STAG1: variants seen among roughly 807,000 people sequenced by gnomAD.
The protein encoded by STAG1 is cohesin subunit SA-1.
STAG1 carries 26 observed loss-of-function variants against 170.9 expected under a neutral mutation model. The observed-to-expected ratio is 0.15, with a 90% CI of 0.11 to 0.21. STAG1 has a LOEUF of 0.21. Ranked by LOEUF, STAG1 falls within the 10% of genes least tolerant of loss-of-function variation. STAG1 has a pLI of 1.00. For missense variants in STAG1, 964 were observed against 1,509.5 expected (o/e 0.64, Z 5.99); for synonymous variants, 514 against 497.7 (o/e 1.03, Z -0.44).
At chr3:136,375,238 A>C (rs1397516188) in intron 23 of STAG1, among the ~76,000 whole-genome samples, 1 of 152,238 alleles carries the variant, frequency 6.6e-6, no homozygotes, top group Non-Finnish European at 1.5e-5. Flanking sequence ...AAACAAATTT[A>C]ATTATATAGA....
At chr3:136,542,488 T>C (rs995796826) in intron 5 of STAG1, among the ~76,000 whole-genome samples, 8 of 152,008 alleles carry the variant, frequency 5.3e-5, no homozygotes, top group East Asian at 1.9e-4. Flanking sequence ...TACGTTAAAT[T>C]GCTGATAAAA....
At chr3:136,399,865 T>G (rs2087268065) in intron 21 of STAG1, among the ~76,000 whole-genome samples, 1 of 152,212 alleles carries the variant, frequency 6.6e-6, no homozygotes. Context: ...ATAAAATACT[T>G]ATTAATTCAC....
intron 6 of STAG1, among the ~76,000 whole-genome samples, chr3:136,533,049 G>A (rs1351599734): frequency 2.0e-5 from 3 of 152,246 alleles, no homozygotes; most frequent in Non-Finnish European, 4.4e-5. Flanking sequence ...TCTTAGAGCT[G>A]ATAGCAAATT....
At chr3:136,733,011 A>C (rs1934128651) in intron 1 of STAG1, among the ~76,000 whole-genome samples, 1 of 152,064 alleles carries the variant, frequency 6.6e-6, no homozygotes, top group South Asian at 2.1e-4. Context: ...TACTTAGATT[A>C]CGATATGTCT....
At chr3:136,652,427 A>G (rs1941249314) in intron 1 of STAG1, among the ~76,000 whole-genome samples, 1 of 152,258 alleles carries the variant, frequency 6.6e-6, no homozygotes, top group Admixed American at 6.5e-5. Context: ...ACTAAGACTG[A>G]CATCCTCCTA....
intron 5 of STAG1, among the ~76,000 whole-genome samples, chr3:136,554,283 A>G (rs1936521830): frequency 1.3e-5 from 2 of 152,192 alleles, no homozygotes; most frequent in South Asian, 4.1e-4. Context: ...AAATCAAGGA[A>G]AAATACATAA....
chr3:136,642,078 T>C (rs760236459), intron 1 of STAG1, among the ~76,000 whole-genome samples: 7 of 152,096 alleles, frequency 4.6e-5, no homozygotes, highest in Non-Finnish European at 8.8e-5. Context: ...GTAATACACT[T>C]ACAAAAGCTT....
chr3:136,602,395 AAGAG>A (rs1044425675), intron 4 of STAG1, among the ~76,000 whole-genome samples: 18 of 151,456 alleles, frequency 1.2e-4, no homozygotes, highest in Admixed American at 2.6e-4. Flanking sequence ...AAAAAAAAAA[AAGAG>A]AGAGAGAGAA....
At chr3:136,725,492 T>G (rs1167243424) in intron 1 of STAG1, among the ~76,000 whole-genome samples, 1 of 152,226 alleles carries the variant, frequency 6.6e-6, no homozygotes, top group Non-Finnish European at 1.5e-5. Flanking sequence ...AAATCTGTAT[T>G]AGCAAGTTAA....
At chr3:136,633,212 G>A (rs1471305015) in intron 1 of STAG1, among the ~76,000 whole-genome samples, 36 of 104,246 alleles carry the variant, frequency 3.5e-4, no homozygotes, top group African/African-American at 9.4e-4. Flanking sequence ...CCCCCACCCC[G>A]GCCCCAAAAT....
In STAG1 at chr3:136,346,471, A is replaced by C. The variant is rs76269158; in HGVS notation, c.3272-2465T>G. ...ATCTTAGTCATTTTGTAAATCTCAA[A>C]TTGACAAAAAAGTTTTCTTTTTTTA... On this transcript the variant is annotated intron_variant, in intron 29 of 33. Coordinates refer to ENST00000383202, the MANE Select transcript of STAG1 (RefSeq NM_005862.3). Among the ~76,000 whole-genome samples the C allele has an allele frequency of 2.6e-5, 4 of 152,338 alleles. No individual in the cohort carries two copies. The East Asian group carries it at 7.7e-4, about 29-fold the overall frequency.
At chr3:136,582,135 T>C (rs879182035) in intron 4 of STAG1, among the ~76,000 whole-genome samples, 2 of 145,880 alleles carry the variant, frequency 1.4e-5, no homozygotes, top group Admixed American at 7.4e-5. Context: ...GCTAAGTGGA[T>C]ACAAAAAGTG....
chr3:136,488,383 A>G (rs2090058256), intron 9 of STAG1, among the ~76,000 whole-genome samples: 1 of 152,206 alleles, frequency 6.6e-6, no homozygotes, highest in Non-Finnish European at 1.5e-5. Flanking sequence ...TTGGCCTCCC[A>G]AAGGGCTGGG....
intron 1 of STAG1, among the ~76,000 whole-genome samples, chr3:136,665,029 T>C (rs1941708161): frequency 6.6e-6 from 1 of 152,238 alleles, no homozygotes; most frequent in Non-Finnish European, 1.5e-5. Context: ...TTTTTGAAAT[T>C]GCTTGGGACT....
intron 21 of STAG1, among the ~76,000 whole-genome samples, chr3:136,416,544 TGGAGAAAAG>T (rs975667134): frequency 1.3e-5 from 2 of 152,192 alleles, no homozygotes; most frequent in African/African-American, 4.8e-5. Context: ...CTGGAGAAAA[TGGAGAAAAG>T]GATAAAAAGA....
In STAG1 at chr3:136,541,538, TCACACACACA is replaced by T. The variant is rs59155124; in HGVS notation, c.471+571_471+580del. Among the ~76,000 whole-genome samples, 109 of 123,214 alleles carry T rather than the reference TCACACACACA, an allele frequency of 8.8e-4. 1 individual carries two copies. Among genetic ancestry groups the T allele is most frequent in the African/African-American group, 2.2e-3 (72 of 32,802 alleles). 80.8% of individuals were successfully genotyped at this position (123,214 alleles called of 152,430 possible). A position where few individuals can be genotyped will look rare whatever the true frequency, so the allele number is the denominator to read the frequency against. On this transcript the variant is annotated intron_variant, in intron 6 of 33. Transcript: ENST00000383202. ...AGTATCCCAAATAGAAGCTTAACAT[TCACACACACA>T]CACACACACACACACACACACACAC... is the stretch of plus-strand genomic sequence containing the variant.
At chr3:136,724,784 A>C (rs1390055168) in intron 1 of STAG1, among the ~76,000 whole-genome samples, 3 of 152,188 alleles carry the variant, frequency 2.0e-5, no homozygotes, top group African/African-American at 7.2e-5. Context: ...GCAGATGAAC[A>C]TATTTTGAGA....
intron 5 of STAG1, among the ~76,000 whole-genome samples, chr3:136,553,715 C>T (rs554250164): frequency 4.9e-4 from 74 of 152,256 alleles, no homozygotes; most frequent in African/African-American, 1.6e-3. Flanking sequence ...CAGAGATTGC[C>T]GTGAGCCAAG....
chr3:136,540,821 C>CAAA (rs1425631397), intron 6 of STAG1, among the ~76,000 whole-genome samples: 5 of 11,192 alleles, frequency 4.5e-4, no homozygotes, highest in Non-Finnish European at 8.0e-4. Context: ...AACTGTGTCT[C>CAAA]CAAAAAAAAA....
Sources: allele counts gnomAD v4.1 joint callset (sites outside exome capture counted in the v4.1 genomes callset), GRCh38; gene constraint gnomAD v4.1.1; transcripts MANE v1.5; gene names NCBI Gene and HGNC (gene_info 2026-07-23, HGNC 2026-07-21).